Variants in IGSF5 observed in about 807,000 individuals in gnomAD.
IGSF5 encodes immunoglobulin superfamily member 5, also known as immunoglobulin superfamily 5 like.
Under a neutral mutation model 39.4 loss-of-function variants are expected in IGSF5, and 41 were observed. That is an observed-to-expected ratio of 1.04 (90% confidence interval 0.81 to 1.35). The LOEUF is 1.35. Among genes scored for constraint, IGSF5 ranks in the 40% most tolerant of loss-of-function variants. The pLI is 0.00. For synonymous variants in IGSF5, 183 were observed against 175.3 expected, an observed-to-expected ratio of 1.04 and a Z score of -0.34; for missense variants, 487 against 494.6, an observed-to-expected ratio of 0.98 and a Z score of 0.15.
the IGSF5 span, among the ~76,000 whole-genome samples, chr21:39,734,840 C>T: frequency 1.1e-4 from 17 of 151,946 alleles, no homozygotes; most frequent in Admixed American, 9.8e-4. Context: ...TCAATAACAT[C>T]TGGTTGTCAA....
the IGSF5 span, among the ~76,000 whole-genome samples, chr21:39,737,395 A>G: frequency 1.9e-4 from 29 of 152,080 alleles, no homozygotes; most frequent in African/African-American, 7.0e-4. Context: ...CTACTTGGAG[A>G]CAGCTCAGAT....
chr21:39,714,334 C>G, the IGSF5 span, among the ~76,000 whole-genome samples: 9 of 152,348 alleles, frequency 5.9e-5, no homozygotes, highest in East Asian at 5.8e-4. Context: ...TCCCTTGCAT[C>G]TACTGTTTCC....
At chr21:39,778,099 G>A (rs1051738416) in intron 4 of IGSF5, among the ~76,000 whole-genome samples, 6 of 152,186 alleles carry the variant, frequency 3.9e-5, no homozygotes, top group African/African-American at 1.4e-4. Context: ...CAACTTAAAT[G>A]TGTGTGGTTT....
intron 6 of IGSF5, among the ~76,000 whole-genome samples, chr21:39,790,691 T>C (rs1019133836): frequency 1.3e-5 from 2 of 152,200 alleles, no homozygotes; most frequent in African/African-American, 4.8e-5. Context: ...AAAAAACAAC[T>C]ACTCTGAGTA....
At chr21:39,797,222 T>TTC (rs1235565380) in intron 8 of IGSF5, among the ~76,000 whole-genome samples, 1 of 149,808 alleles carries the variant, frequency 6.7e-6, no homozygotes, top group African/African-American at 2.5e-5. Flanking sequence ...CCTTTGCTTT[T>TTC]TTTTTTTTTT....
Position 39,748,301 on chromosome 21 carries a change from C to CT in IGSF5, c.100+2030dup, listed in dbSNP as rs60669244. 6.4e-3 allele frequency among the ~76,000 whole-genome samples: 372 copies of CT among 58,216 alleles called. 94 individuals carry two copies. The highest frequency in any genetic ancestry group is 0.026 in the Middle Eastern group (1 of 38). 38.2% of individuals were successfully genotyped at this position (58,216 alleles called of 152,430 possible). On this transcript the variant is annotated intron_variant, in intron 2 of 8. Transcript: ENST00000380588. Reference sequence around the variant, plus strand: ...TGTGCAAGTGAAGAGAAAACAAGATCTTTTTTTTTTTTTTTTTTTTTTTTT... The same window carrying CT: ...TGTGCAAGTGAAGAGAAAACAAGATCTTTTTTTTTTTTTTTTTTTTTTTTTT...
At chr21:39,745,629 A>G in intron 1 of IGSF5, 103 bp downstream of exon 1, 1 of 676,754 alleles carries the variant, frequency 1.5e-6, no homozygotes, top group East Asian at 2.7e-5. Context: ...TTCTGCCTCT[A>G]GTTGGCCCTT....
chr21:39,770,385 A>AAT (rs757155321), intron 3 of IGSF5, among the ~76,000 whole-genome samples: 43 of 152,316 alleles, frequency 2.8e-4, no homozygotes, highest in Non-Finnish European at 6.2e-4. Context: ...ATGTTAAGGC[A>AAT]ATACCCTAGG....
chr21:39,791,984 G>A (rs199901925), intron 6 of IGSF5, 24 bp from the exon 7 acceptor site: 1 of 1,502,000 alleles, frequency 6.7e-7, no homozygotes, highest in East Asian at 2.3e-5. Context: ...CAATTAACAT[G>A]AACATAAAAT....
At chr21:39,785,995 A>G (rs2086916969) in intron 5 of IGSF5, among the ~76,000 whole-genome samples, 2 of 152,348 alleles carry the variant, frequency 1.3e-5, no homozygotes, top group Admixed American at 1.3e-4. Flanking sequence ...ACCTAAAACC[A>G]TAAAAACCCT....
chr21:39,790,501 G>C lies in IGSF5; in HGVS notation c.957-1507G>C, dbSNP rs559645337. Among the ~76,000 whole-genome samples, 31 of 152,186 alleles carry C rather than the reference G, an allele frequency of 2.0e-4. 1 individual carries two copies. The South Asian group carries it at 5.0e-3, about 24-fold the overall frequency. Reference sequence around the variant, plus strand: ...TGGAAAAACCCCATCTCCACAAAAAGTACAAAATTAGCTGGGCATGTTGGT... The same window carrying C: ...TGGAAAAACCCCATCTCCACAAAAACTACAAAATTAGCTGGGCATGTTGGT... On this transcript the variant is annotated intron_variant, in intron 6 of 8. Transcript: ENST00000380588.
At chr21:39,735,066 G>A in the IGSF5 span, among the ~76,000 whole-genome samples, 3 of 152,142 alleles carry the variant, frequency 2.0e-5, no homozygotes, top group Admixed American at 6.5e-5. Flanking sequence ...GTTTCAGTAT[G>A]TTGGCCAGGC....
intron 2 of IGSF5, among the ~76,000 whole-genome samples, chr21:39,752,485 G>A (rs2080010489): frequency 6.6e-6 from 1 of 151,150 alleles, no homozygotes; most frequent in Non-Finnish European, 1.5e-5. Context: ...GCATGTGCAA[G>A]CGTCTTTTTC....
At chr21:39,723,475 G>T in the IGSF5 span, among the ~76,000 whole-genome samples, 1 of 152,202 alleles carries the variant, frequency 6.6e-6, no homozygotes, top group African/African-American at 2.4e-5. Context: ...AAGCAAGTCA[G>T]AAGTCCCAGC....
the IGSF5 span, among the ~76,000 whole-genome samples, chr21:39,726,824 C>A: frequency 1.3e-5 from 2 of 152,194 alleles, no homozygotes; most frequent in Non-Finnish European, 2.9e-5. Flanking sequence ...TGCATAACAT[C>A]AGCCCAAACC....
the IGSF5 span, among the ~76,000 whole-genome samples, chr21:39,723,905 G>A: frequency 1.3e-5 from 2 of 152,136 alleles, no homozygotes; most frequent in Admixed American, 6.5e-5. Flanking sequence ...CCAGGACTTT[G>A]AGAGGCTGAG....
chr21:39,716,466 A>ATAGT, the IGSF5 span, among the ~76,000 whole-genome samples: 16 of 152,028 alleles, frequency 1.1e-4, no homozygotes, highest in African/African-American at 3.9e-4. Context: ...CCAGTACCCA[A>ATAGT]TAGTTATCTT....
the IGSF5 span, among the ~76,000 whole-genome samples, chr21:39,733,480 A>T: frequency 3.9e-5 from 6 of 152,250 alleles, no homozygotes; most frequent in Non-Finnish European, 5.9e-5. Flanking sequence ...TCTTTAAATA[A>T]TTGGCAGTAC....
chr21:39,744,998 C>A (rs1386862693), upstream of IGSF5, among the ~76,000 whole-genome samples: 1 of 152,104 alleles, frequency 6.6e-6, no homozygotes, highest in South Asian at 2.1e-4. Flanking sequence ...TAGAGAAGAT[C>A]TTCAATTATC....
Sources: gnomAD v4.1 joint callset for allele counts (sites outside exome capture counted in the v4.1 genomes callset) on GRCh38, gnomAD v4.1.1 for gene constraint, MANE v1.5 for transcripts, NCBI Gene and HGNC (gene_info 2026-07-23, HGNC 2026-07-21) for gene names.